The following TCP11L2 variants were observed in gnomAD, a reference collection of about 807,000 sequenced individuals.
The protein encoded by TCP11L2 is T-complex protein 11-like protein 2.
TCP11L2 carries 39 observed loss-of-function variants against 50.7 expected under a neutral mutation model. The ratio of observed to expected loss-of-function variants is 0.77; its 90% confidence interval spans 0.60 to 1.01. The LOEUF is 1.01. Ranked by LOEUF, TCP11L2 falls within the 50% of genes least tolerant of loss-of-function variation. TCP11L2 has a pLI of 0.00. For missense variants in TCP11L2, 612 were observed against 614.7 expected (o/e 1.00, Z 0.05); for synonymous variants, 192 against 219.3 (o/e 0.88, Z 1.10).
intron 1 of TCP11L2, among the ~76,000 whole-genome samples, chr12:106,309,099 A>G (rs563286627): frequency 1.3e-5 from 2 of 152,358 alleles, no homozygotes; most frequent in African/African-American, 4.8e-5. Context: ...AAGAAATGCC[A>G]TCAGTGGGAC....
chr12:106,301,178 G>A (rs569647907), upstream of TCP11L2, among the ~76,000 whole-genome samples: 1 of 152,296 alleles, frequency 6.6e-6, no homozygotes, highest in African/African-American at 2.4e-5. Flanking sequence ...TGTTTGTAGG[G>A]AAGAACTCAG....
chr12:106,304,827 A>G (rs1240814700), intron 1 of TCP11L2, among the ~76,000 whole-genome samples: 2 of 152,164 alleles, frequency 1.3e-5, no homozygotes, highest in African/African-American at 4.8e-5. Flanking sequence ...CTAACTAGGG[A>G]TTTTGCGGTG....
upstream of TCP11L2, among the ~76,000 whole-genome samples, chr12:106,298,510 T>A (rs192499543): frequency 5.8e-3 from 879 of 152,342 alleles, 7 homozygotes; most frequent in African/African-American, 0.019. Context: ...ACATTTTTTT[T>A]AATTTAATTT....
Position 106,335,808 on chromosome 12 carries a change from G to GA in TCP11L2, c.948dup (p.Glu317ArgfsTer46), listed in dbSNP as rs764056488. The GA allele has an allele frequency of 3.7e-6, 6 of 1,611,206 alleles. No individual in the cohort carries two copies. Among genetic ancestry groups the GA allele is most frequent in the South Asian group, 1.1e-5 (1 of 90,416 alleles). On this transcript the variant is annotated frameshift_variant, in exon 7 of 10. Transcript: ENST00000299045. LOFTEE classifies it high-confidence loss of function. The stretch of plus-strand genomic sequence containing the variant: ...TGAAACTGTTACAGTGGGATTATCA[G>GA]AAAAAAGAATTACCAGAGGTGAGTG...
intron 9 of TCP11L2, 75 bp from the exon 10 acceptor site, chr12:106,346,211 A>G: frequency 1.4e-6 from 2 of 1,457,158 alleles, no homozygotes; most frequent in Non-Finnish European, 1.9e-6. Context: ...AACCTACTAC[A>G]ATTACTTGTT....
intron 6 of TCP11L2, among the ~76,000 whole-genome samples, chr12:106,326,885 CTA>C (rs1019470487): frequency 6.6e-6 from 1 of 152,186 alleles, no homozygotes; most frequent in African/African-American, 2.4e-5. Context: ...AACAAAAACT[CTA>C]TGACTCCAAG....
intron 1 of TCP11L2, among the ~76,000 whole-genome samples, chr12:106,305,618 G>A (rs778598373): frequency 4.6e-5 from 7 of 152,218 alleles, no homozygotes; most frequent in Non-Finnish European, 7.3e-5. Context: ...GGCGTAATTA[G>A]TTCATGCAGC....
intron 3 of TCP11L2, 81 bp from the exon 4 acceptor site, chr12:106,318,263 A>G: frequency 1.3e-6 from 2 of 1,485,190 alleles, no homozygotes; most frequent in Non-Finnish European, 1.8e-6. Flanking sequence ...ATTTTATAAG[A>G]TTTCTACAAT....
intron 9 of TCP11L2, 144 bp from the exon 10 acceptor site, chr12:106,346,142 T>C: frequency 1.2e-6 from 1 of 829,210 alleles, no homozygotes. Context: ...ACTGCAAAGC[T>C]ACCTTGGAAA....
At chr12:106,311,325 A>G (rs1400656957) in intron 2 of TCP11L2, 93 bp downstream of exon 2, 1 of 1,413,730 alleles carries the variant, frequency 7.1e-7, no homozygotes, top group Non-Finnish European at 9.6e-7. Context: ...AGAGCAACAG[A>G]CTTCCCCTCC....
At chr12:106,304,418 C>T (rs2034547281) in intron 1 of TCP11L2, 2 of 152,274 alleles carry the variant, frequency 1.3e-5, no homozygotes, top group African/African-American at 2.4e-5. Context: ...CCAGTATTGT[C>T]TAGATGAATG....
At chr12:106,321,915 C>A (rs184493591) in intron 5 of TCP11L2, among the ~76,000 whole-genome samples, 11 of 152,270 alleles carry the variant, frequency 7.2e-5, no homozygotes, top group East Asian at 1.9e-4. Flanking sequence ...TTAGTTGGCA[C>A]ATAGTGGGCC....
intron 2 of TCP11L2, 101 bp downstream of exon 2, chr12:106,311,333 T>C: frequency 7.4e-7 from 1 of 1,351,198 alleles, no homozygotes. Flanking sequence ...AGACTTCCCC[T>C]CCTTTCTAGA....
At chr12:106,317,313 T>C (rs1455912592) in intron 3 of TCP11L2, among the ~76,000 whole-genome samples, 1 of 152,042 alleles carries the variant, frequency 6.6e-6, no homozygotes, top group Non-Finnish European at 1.5e-5. Context: ...GTCAGGAGTT[T>C]AAGACCAGCC....
intron 3 of TCP11L2, among the ~76,000 whole-genome samples, chr12:106,315,049 A>G (rs2035024761): frequency 6.6e-6 from 1 of 151,666 alleles, no homozygotes; most frequent in Non-Finnish European, 1.5e-5. Context: ...AGCCCGGCCA[A>G]CGTGGTGAAA....
chr12:106,309,457 G>T (rs570693217), intron 1 of TCP11L2, among the ~76,000 whole-genome samples: 1 of 151,944 alleles, frequency 6.6e-6, no homozygotes, highest in Non-Finnish European at 1.5e-5. Context: ...GCTCAGCAAG[G>T]ATACATTTCT....
At chr12:106,336,253 AG>A (rs34332844) in intron 8 of TCP11L2, 40 bp downstream of exon 8, 249,812 of 1,563,712 alleles carry the variant, frequency 0.16, 21,123 homozygotes, top group Middle Eastern at 0.18. Flanking sequence ...TCTTGTATTA[AG>A]GCTCTGCATG....
intron 4 of TCP11L2, among the ~76,000 whole-genome samples, chr12:106,321,121 A>G (rs1475727648): frequency 1.3e-5 from 2 of 152,198 alleles, no homozygotes; most frequent in African/African-American, 2.4e-5. Flanking sequence ...CAATTAGCCT[A>G]TCTTAAAATT....
chr12:106,299,507 A>G (rs1411905522), upstream of TCP11L2, among the ~76,000 whole-genome samples: 1 of 152,202 alleles, frequency 6.6e-6, no homozygotes, highest in Non-Finnish European at 1.5e-5. Flanking sequence ...GCACAGTATT[A>G]AGAATCTCAA....
Sources: gnomAD v4.1 joint callset for allele counts (sites outside exome capture counted in the v4.1 genomes callset) on GRCh38, gnomAD v4.1.1 for gene constraint, MANE v1.5 for transcripts, NCBI Gene and HGNC (gene_info 2026-07-23, HGNC 2026-07-21) for gene names.